Variants in SLX4IP observed in about 807,000 individuals in gnomAD.
SLX4IP encodes the protein protein SLX4IP.
In SLX4IP, 34 loss-of-function variants were observed where a neutral mutation model predicts 32.9. The ratio of observed to expected loss-of-function variants is 1.03; its 90% CI spans 0.79 to 1.38. SLX4IP has a LOEUF of 1.38. Ranked by LOEUF, SLX4IP falls within the 40% of genes most tolerant of loss-of-function variation. The probability of loss-of-function intolerance (pLI) is 0.00; values close to 1 mark genes in which losing one functional copy is unlikely to be tolerated. For synonymous variants in SLX4IP, 172 were observed against 171.7 expected (o/e 1.00, Z -0.01); for missense variants, 444 against 479.0 (o/e 0.93, Z 0.68).
At chr20:10,570,097 C>A (rs964143167) in intron 4 of SLX4IP, among the ~76,000 whole-genome samples, 13 of 152,204 alleles carry the variant, frequency 8.5e-5, no homozygotes, top group African/African-American at 2.9e-4. Context: ...GGGTGCACCA[C>A]TCTGAAAGGG....
chr20:10,536,679 C>G (rs2066048491), intron 2 of SLX4IP, among the ~76,000 whole-genome samples: 1 of 152,230 alleles, frequency 6.6e-6, no homozygotes, highest in South Asian at 2.1e-4. Flanking sequence ...TACAAACGTA[C>G]TGAGTTTTAC....
At chr20:10,534,731 G>C (rs1175473403) in intron 2 of SLX4IP, among the ~76,000 whole-genome samples, 1 of 152,158 alleles carries the variant, frequency 6.6e-6, no homozygotes, top group Non-Finnish European at 1.5e-5. Flanking sequence ...GAGCACAGGG[G>C]ACAGTGGGTT....
intron 2 of SLX4IP, among the ~76,000 whole-genome samples, chr20:10,516,129 C>T (rs1809388583): frequency 2.0e-5 from 3 of 152,192 alleles, no homozygotes; most frequent in Middle Eastern, 3.2e-3. Context: ...CTCAAGGGAG[C>T]TGCCTACCTC....
intron 4 of SLX4IP, among the ~76,000 whole-genome samples, chr20:10,577,683 T>C (rs1248956276): frequency 1.3e-5 from 2 of 152,210 alleles, no homozygotes; most frequent in African/African-American, 4.8e-5. Context: ...ATCATACCAC[T>C]GTACTCCAGC....
intron 2 of SLX4IP, among the ~76,000 whole-genome samples, chr20:10,530,195 G>A (rs894910880): frequency 3.3e-5 from 5 of 152,206 alleles, no homozygotes; most frequent in Admixed American, 1.3e-4. Context: ...AGTCTCAGAC[G>A]TACTGGTTGG....
At chr20:10,489,816 T>A (rs1230090007) in intron 2 of SLX4IP, among the ~76,000 whole-genome samples, 1 of 152,242 alleles carries the variant, frequency 6.6e-6, no homozygotes, top group African/African-American at 2.4e-5. Flanking sequence ...TGAATTCAGC[T>A]AAGTTAAGAT....
At chr20:10,449,959 A>C (rs1384550745) in intron 1 of SLX4IP, among the ~76,000 whole-genome samples, 2 of 152,026 alleles carry the variant, frequency 1.3e-5, no homozygotes, top group Admixed American at 1.3e-4. Context: ...AAGTAAAAAA[A>C]AAAACCCACA....
In SLX4IP at chr20:10,599,355, C is replaced by A. The variant is rs1462687236; in HGVS notation, c.316+603C>A. On this transcript the variant is annotated intron_variant, in intron 5 of 7. Coordinates refer to ENST00000334534, the MANE Select transcript of SLX4IP (RefSeq NM_001009608.3). Reference sequence around the variant, plus strand: ...ACTTTAAAAAATTAACATATAGAGGCTTGCTGTGGAATCTTCATGATTATC... The same window carrying A: ...ACTTTAAAAAATTAACATATAGAGGATTGCTGTGGAATCTTCATGATTATC... Among the ~76,000 whole-genome samples the A allele has an allele frequency of 2.0e-5, 3 of 152,166 alleles. No individual in the cohort carries two copies. In the East Asian group the frequency reaches 5.8e-4, roughly 29 times the overall value.
chr20:10,452,011 A>G (rs2065246054), intron 1 of SLX4IP, among the ~76,000 whole-genome samples: 1 of 152,186 alleles, frequency 6.6e-6, no homozygotes, highest in African/African-American at 2.4e-5. Flanking sequence ...AATTAACTTT[A>G]TCTGTTTCTG....
chr20:10,613,603 C>T (rs1364195929), intron 6 of SLX4IP: 63 of 1,613,380 alleles, frequency 3.9e-5, no homozygotes, highest in Admixed American at 1.8e-4. Context: ...AGCCCCAACT[C>T]CTTTCTGCTC....
chr20:10,536,270 G>A (rs2066043083), intron 2 of SLX4IP, among the ~76,000 whole-genome samples: 1 of 152,082 alleles, frequency 6.6e-6, no homozygotes, highest in Non-Finnish European at 1.5e-5. Context: ...GCCTATGCCT[G>A]TAATGGCAGC....
At chr20:10,493,509 T>C (rs1253135598) in intron 2 of SLX4IP, among the ~76,000 whole-genome samples, 1 of 152,184 alleles carries the variant, frequency 6.6e-6, no homozygotes, top group Non-Finnish European at 1.5e-5. Context: ...ATTTTATGTA[T>C]AGTCAACATC....
At chr20:10,615,105 G>C (rs1376405463) in intron 6 of SLX4IP, among the ~76,000 whole-genome samples, 1 of 151,794 alleles carries the variant, frequency 6.6e-6, no homozygotes. Flanking sequence ...ATTTCAATTT[G>C]CTCGTACAGT....
intron 6 of SLX4IP, among the ~76,000 whole-genome samples, chr20:10,614,885 G>A (rs1217002174): frequency 6.6e-6 from 1 of 152,154 alleles, no homozygotes; most frequent in East Asian, 1.9e-4. Flanking sequence ...TGACTATGGA[G>A]TATTTAAAAT....
intron 2 of SLX4IP, among the ~76,000 whole-genome samples, chr20:10,536,440 A>G (rs144100089): frequency 1.3e-5 from 2 of 152,162 alleles, no homozygotes; most frequent in African/African-American, 4.8e-5. Context: ...TCAATTAGAA[A>G]TATTGCAACG....
chr20:10,461,659 A>G (rs2065339294), intron 2 of SLX4IP, among the ~76,000 whole-genome samples: 2 of 152,202 alleles, frequency 1.3e-5, no homozygotes, highest in South Asian at 2.1e-4. Context: ...CACACCTGCT[A>G]CTGATGTTGT....
At chr20:10,506,015 A>T (rs1012128147) in intron 2 of SLX4IP, among the ~76,000 whole-genome samples, 1 of 152,208 alleles carries the variant, frequency 6.6e-6, no homozygotes, top group African/African-American at 2.4e-5. Context: ...CCACTTAAGC[A>T]TGTAAACAGT....
intron 4 of SLX4IP, among the ~76,000 whole-genome samples, chr20:10,595,870 G>T (rs2122543345): frequency 6.6e-6 from 1 of 152,208 alleles, no homozygotes; most frequent in East Asian, 1.9e-4. Context: ...TTTTTTACAT[G>T]TTAAACTTGC....
At chr20:10,600,053 G>T (rs972705485) in intron 5 of SLX4IP, among the ~76,000 whole-genome samples, 1 of 150,346 alleles carries the variant, frequency 6.7e-6, no homozygotes. Flanking sequence ...GATTTTTTTA[G>T]GGGGGGGAGG....
Sources: allele counts gnomAD v4.1 joint callset (sites outside exome capture counted in the v4.1 genomes callset), GRCh38; gene constraint gnomAD v4.1.1; transcripts MANE v1.5; gene names NCBI Gene and HGNC (gene_info 2026-07-23, HGNC 2026-07-21).